DESI1: variants seen among roughly 807,000 people sequenced by gnomAD.
The protein encoded by DESI1 is PPPDE peptidase domain containing 2.
In DESI1, 17 loss-of-function variants were observed where a neutral mutation model predicts 22.4. The ratio of observed to expected loss-of-function variants is 0.76; its 90% CI spans 0.52 to 1.14. The LOEUF is 1.14. Ranked by LOEUF, DESI1 falls within the 50% of genes most tolerant of loss-of-function variation. The pLI is 0.00. For synonymous variants in DESI1, 92 were observed against 84.2 expected (o/e 1.09, Z -0.51); for missense variants, 177 against 208.9 (o/e 0.85, Z 0.94).
At chr22:41,607,553 G>T (rs1237391748) in intron 2 of DESI1, among the ~76,000 whole-genome samples, 2 of 152,142 alleles carry the variant, frequency 1.3e-5, no homozygotes, top group Admixed American at 6.5e-5. Flanking sequence ...TTTGTTGTGT[G>T]GGGCTGTCCT....
intron 5 of DESI1, chr22:41,602,473 G>C: frequency 1.0e-6 from 1 of 985,456 alleles, no homozygotes; most frequent in Non-Finnish European, 1.2e-6. Context: ...CCTGGGAGGT[G>C]CTTCCTCAGA....
intron 3 of DESI1, 110 bp downstream of exon 3, chr22:41,607,152 G>A (rs1310545705): frequency 9.9e-7 from 1 of 1,014,546 alleles, no homozygotes; most frequent in Admixed American, 3.2e-5. Context: ...AAGTCTTCAG[G>A]TGGCTTTGAG....
intron 5 of DESI1, 59 bp downstream of exon 5, chr22:41,603,200 C>T (rs2067459158): frequency 9.3e-6 from 15 of 1,611,492 alleles, no homozygotes; most frequent in South Asian, 4.4e-5. Context: ...GGGCACTGAC[C>T]GTGAATGGGG....
chr22:41,608,038 G>T (rs1272271511), intron 1 of DESI1, among the ~76,000 whole-genome samples, 177 bp from the exon 2 acceptor site: 1 of 152,208 alleles, frequency 6.6e-6, no homozygotes, highest in African/African-American at 2.4e-5. Context: ...GTGTAAGTAA[G>T]TTGAAAAGTA....
In DESI1 at chr22:41,601,201, A is replaced by G. The variant is rs2067448113; in HGVS notation, c.414-11T>C. ...GCCTGTCCAAAGGGCCTGCAAGGAA[A>G]CAGAGACATGAGAGGGGTGGGCTCT... is the stretch of plus-strand genomic sequence containing the variant. On this transcript the variant is annotated splice_polypyrimidine_tract_variant and intron_variant, in intron 5 of 5. Transcript: ENST00000263256. The G allele has an allele frequency of 6.2e-7, 1 of 1,602,582 alleles. No individual in the cohort carries two copies. The highest frequency in any genetic ancestry group is 8.5e-7 in the Non-Finnish European group (1 of 1,174,854).
At chr22:41,617,222 C>T (rs142485292) in intron 1 of DESI1, among the ~76,000 whole-genome samples, 165 of 152,328 alleles carry the variant, frequency 1.1e-3, no homozygotes, top group African/African-American at 3.5e-3. Context: ...GTGTTCATAA[C>T]CCAGCTCTAC....
Position 41,607,284 on chromosome 22 carries a change from C to T in DESI1, c.158G>A (p.Gly53Asp), listed in dbSNP as rs1407880504. ...CACCGGGGGGCAGCTGGAGATACCACCACTGCCGAAGAAGAACTCATCCTT... is the reference window on the plus strand; with the variant it reads ...CACCGGGGGGCAGCTGGAGATACCATCACTGCCGAAGAAGAACTCATCCTT... ...VHKDEFFFGS[G>D]GISSCPPGGT... is the part of the protein sequence containing the mutation. The change falls in exon 3 of 6, where the codon GGT becomes GAT. Residue 53 changes from glycine (G) to aspartate (D), a missense_variant. Physicochemically the swap from Gly to Asp is moderately conservative, Grantham distance 94. Transcript: ENST00000263256. 3 of 1,612,240 alleles carry T rather than the reference C, an allele frequency of 1.9e-6. No homozygotes were observed. The highest frequency in any genetic ancestry group is 4.5e-5 in the East Asian group (2 of 44,726).
intron 1 of DESI1, among the ~76,000 whole-genome samples, chr22:41,608,162 C>T (rs1018913386): frequency 2.6e-5 from 4 of 152,210 alleles, no homozygotes; most frequent in African/African-American, 9.7e-5. Flanking sequence ...TTTTTAACTT[C>T]TCTGTCTCAC....
Position 41,607,282 on chromosome 22 carries a change from C to T in DESI1, c.160G>A (p.Gly54Ser), listed in dbSNP as rs1168845549. Residue 54 changes from glycine to serine, a missense_variant, in exon 3 of 6, where the codon GGT (glycine) becomes AGT (serine). By Grantham distance (56) the Gly-to-Ser change is moderately conservative. Transcript: ENST00000263256. Reference protein sequence around the residue: ...HKDEFFFGSGGISSCPPGGTL... With the variant: ...HKDEFFFGSGSISSCPPGGTL... ...CTCACCGGGGGGCAGCTGGAGATACCACCACTGCCGAAGAAGAACTCATCC... is the reference window on the plus strand; with the variant it reads ...CTCACCGGGGGGCAGCTGGAGATACTACCACTGCCGAAGAAGAACTCATCC... 1 of 1,611,634 alleles carries T rather than the reference C, an allele frequency of 6.2e-7. No individual in the cohort carries two copies. Among genetic ancestry groups the T allele is most frequent in the South Asian group, 1.1e-5 (1 of 90,794 alleles).
chr22:41,606,692 C>T (rs1053566477), intron 3 of DESI1, among the ~76,000 whole-genome samples: 11 of 143,970 alleles, frequency 7.6e-5, no homozygotes, highest in East Asian at 2.1e-4. Flanking sequence ...GAGAATGGCG[C>T]GAACCCGGGA....
At chr22:41,617,848 C>G (rs1283717863) in intron 1 of DESI1, among the ~76,000 whole-genome samples, 1 of 152,146 alleles carries the variant, frequency 6.6e-6, no homozygotes, top group Non-Finnish European at 1.5e-5. Context: ...GTCTATTACT[C>G]CATCTTCAGT....
intron 3 of DESI1, 150 bp from the exon 4 acceptor site, chr22:41,604,303 G>C (rs2067466733): frequency 4.8e-6 from 3 of 629,164 alleles, no homozygotes; most frequent in Non-Finnish European, 7.6e-6. Context: ...ACCCAGGCTG[G>C]AGTATAATCT....
In DESI1 at chr22:41,620,829, G is replaced by C. The variant is rs758567460; in HGVS notation, c.11C>G (p.Pro4Arg). 1.9e-6 allele frequency: 3 copies of C among 1,609,846 alleles called. No homozygotes were observed. In the Admixed American group the frequency reaches 5.0e-5, roughly 27 times the overall value. Residue 4 changes from proline (P) to arginine (R), a missense_variant, in exon 1 of 6, where the codon CCG becomes CGG. Pro to Arg is a moderately radical substitution (Grantham distance 103). Transcript: ENST00000263256. ...GTAGAGCTTCACCGGATAGAGATTC[G>C]GCGGCTCCATTGGGACCCGTGGCGA... is the stretch of plus-strand genomic sequence containing the variant. MEP[P>R]NLYPVKLYVY...
chr22:41,620,692 C>T (rs2067584189), intron 1 of DESI1, 60 bp downstream of exon 1: 1 of 1,525,376 alleles, frequency 6.6e-7, no homozygotes, highest in East Asian at 2.4e-5. Flanking sequence ...CCACCTCGGC[C>T]AGCCGCCACC....
At chr22:41,612,146 CAAT>C (rs1297771523) in intron 1 of DESI1, among the ~76,000 whole-genome samples, 10 of 151,832 alleles carry the variant, frequency 6.6e-5, no homozygotes, top group Non-Finnish European at 2.9e-5. Flanking sequence ...AGGGGACAGT[CAAT>C]AATAATAATG....
chr22:41,610,080 TA>T (rs71184819), intron 1 of DESI1, among the ~76,000 whole-genome samples: 87,326 of 115,622 alleles, frequency 0.76, 32,559 homozygotes, highest in East Asian at 0.91. Context: ...AACTCTATCT[TA>T]AAAAAAAAAA....
At chr22:41,611,767 A>G (rs111844995) in intron 1 of DESI1, among the ~76,000 whole-genome samples, 10,115 of 151,186 alleles carry the variant, frequency 0.067, 1,087 homozygotes, top group African/African-American at 0.23. Context: ...TAATTTTTCT[A>G]TTTTTAGTAG....
At chr22:41,612,310 A>G (rs1323640622) in intron 1 of DESI1, among the ~76,000 whole-genome samples, 1 of 151,904 alleles carries the variant, frequency 6.6e-6, no homozygotes, top group Non-Finnish European at 1.5e-5. Flanking sequence ...GGAGTTCGAG[A>G]CCAGCCTGGC....
At chr22:41,602,842 G>A in intron 5 of DESI1, 19 of 1,034,950 alleles carry the variant, frequency 1.8e-5, no homozygotes, top group Non-Finnish European at 2.2e-5. Context: ...AGTTCATGGT[G>A]CAGTGTAAGG....
Sources: allele counts gnomAD v4.1 joint callset (sites outside exome capture counted in the v4.1 genomes callset), GRCh38; gene constraint gnomAD v4.1.1; transcripts MANE v1.5; gene names NCBI Gene and HGNC (gene_info 2026-07-23, HGNC 2026-07-21).